The following FBXL5 variants were observed in gnomAD, a reference collection of about 807,000 sequenced individuals.
The protein encoded by FBXL5 is F-box and leucine rich repeat protein 5.
In FBXL5, 26 loss-of-function variants were observed where a neutral mutation model predicts 78.3. That is an observed-to-expected ratio of 0.33 (90% CI 0.24 to 0.46). FBXL5 has a LOEUF of 0.46. Among genes scored for constraint, FBXL5 ranks in the 20% least tolerant of loss-of-function variants. The pLI is 1.00. For missense variants in FBXL5, 710 were observed against 829.2 expected (o/e 0.86, Z 1.77); for synonymous variants, 295 against 282.5 (o/e 1.04, Z -0.45).
chr4:15,630,915 G>T, intron 5 of FBXL5, 124 bp from the exon 6 acceptor site: 1 of 1,237,744 alleles, frequency 8.1e-7, no homozygotes, highest in Non-Finnish European at 1.1e-6. Context: ...TAGGCAATAA[G>T]CAACTGTTTT....
chr4:15,625,527 A>G lies in FBXL5; in HGVS notation c.1575T>C (p.Ile525=), dbSNP rs1324117177. The G allele has an allele frequency of 4.3e-6, 7 of 1,614,000 alleles. No homozygotes were observed. The highest frequency in any genetic ancestry group is 5.9e-6 in the Non-Finnish European group (7 of 1,180,000). The part of the protein sequence containing the change: ...CSTSGCFSKD[I]VGLRTSVCWQ... The stretch of plus-strand genomic sequence containing the variant: ...AACAGACACTAGTCCTTAGTCCAAC[A>G]ATGTCCTTACTAAAACAACCAGAGG... The change falls in exon 9 of 11, where the codon ATT becomes ATC. Residue 525 remains isoleucine (I), a synonymous_variant. Transcript: ENST00000341285.
In FBXL5 at chr4:15,640,410, AC is replaced by A. The variant is rs1205121983; in HGVS notation, c.396+377del. ...ACACTACTGAAAAAAAAAAAAAAAA[AC>A]ATGAAAAAATCTTTAAACATAGCAT... On this transcript the variant is annotated intron_variant, in intron 3 of 10. Coordinates refer to ENST00000341285, the MANE Select transcript of FBXL5 (RefSeq NM_012161.4). 2.1e-3 allele frequency among the ~76,000 whole-genome samples: 309 copies of A among 146,582 alleles called. 6 individuals are homozygous for A. Among genetic ancestry groups the A allele is most frequent in the African/African-American group, 7.3e-3 (274 of 37,364 alleles).
At chr4:15,674,783 G>A (rs1717917411) in intron 1 of FBXL5, among the ~76,000 whole-genome samples, 2 of 152,036 alleles carry the variant, frequency 1.3e-5, no homozygotes, top group African/African-American at 4.8e-5. Flanking sequence ...CCTAGTAGCT[G>A]GGACTACAGG....
chr4:15,655,564 C>T (rs1242396220), upstream of FBXL5, among the ~76,000 whole-genome samples: 1 of 152,134 alleles, frequency 6.6e-6, no homozygotes, highest in Non-Finnish European at 1.5e-5. Context: ...CAGAAGGAAC[C>T]CAAACCTTTT....
At chr4:15,666,963 T>C (rs982756866) in intron 1 of FBXL5, among the ~76,000 whole-genome samples, 5 of 152,148 alleles carry the variant, frequency 3.3e-5, no homozygotes, top group African/African-American at 1.2e-4. Context: ...AAACATCACA[T>C]TGTATCTCAT....
At chr4:15,668,135 A>G (rs1031584613) in intron 1 of FBXL5, among the ~76,000 whole-genome samples, 3 of 151,976 alleles carry the variant, frequency 2.0e-5, no homozygotes, top group Non-Finnish European at 4.4e-5. Flanking sequence ...ATAAAATTCA[A>G]TTATTTGTGA....
chr4:15,666,385 G>T (rs185637638), intron 1 of FBXL5, among the ~76,000 whole-genome samples: 9 of 152,192 alleles, frequency 5.9e-5, no homozygotes, highest in Non-Finnish European at 4.4e-5. Context: ...GGGAGACAGA[G>T]CAAGACCCTG....
chr4:15,605,587 T>C lies in FBXL5; in HGVS notation c.*136A>G. ...CAATTCACTGGTAAATTAAGATTTC[T>C]GAAGTTGTAAGAAATGGGGCCAAAA... is the stretch of plus-strand genomic sequence containing the variant. On this transcript the variant is annotated 3_prime_UTR_variant, in exon 11 of 11. Coordinates refer to ENST00000341285, the MANE Select transcript of FBXL5 (RefSeq NM_012161.4). The C allele has an allele frequency of 1.5e-6, 1 of 656,450 alleles. No individual in the cohort carries two copies. Among genetic ancestry groups the C allele is most frequent in the Middle Eastern group, 2.5e-4 (1 of 3,992 alleles). The allele number at this position is 656,450 out of a possible 1,614,324, so 40.7% of individuals were successfully genotyped here.
At chr4:15,615,259 G>A (rs1577425376) in intron 9 of FBXL5, among the ~76,000 whole-genome samples, 2 of 152,114 alleles carry the variant, frequency 1.3e-5, no homozygotes, top group East Asian at 1.9e-4. Flanking sequence ...CTGCTCCACG[G>A]CACCCAGTCC....
intron 1 of FBXL5, among the ~76,000 whole-genome samples, chr4:15,668,074 C>G (rs545040652): frequency 2.0e-5 from 3 of 150,362 alleles, no homozygotes; most frequent in Non-Finnish European, 4.4e-5. Context: ...GTCAATTTAA[C>G]TATCAACTTA....
intron 9 of FBXL5, among the ~76,000 whole-genome samples, chr4:15,622,646 G>A: frequency 6.6e-6 from 1 of 151,060 alleles, no homozygotes; most frequent in Non-Finnish European, 1.5e-5. Flanking sequence ...CTGCATGAAG[G>A]CAGAGAATTG....
At chr4:15,624,902 A>G (rs374308276) in intron 9 of FBXL5, among the ~76,000 whole-genome samples, 6 of 152,368 alleles carry the variant, frequency 3.9e-5, no homozygotes, top group African/African-American at 1.4e-4. Flanking sequence ...AATAATACAC[A>G]GCAACAGAAT....
intron 1 of FBXL5, 111 bp downstream of exon 1, chr4:15,655,093 G>A: frequency 1.2e-6 from 1 of 842,652 alleles, no homozygotes; most frequent in Non-Finnish European, 1.5e-6. Context: ...CTACTCGCGC[G>A]GCGACGGCAC....
chr4:15,659,692 C>T, upstream of FBXL5: 3 of 981,246 alleles, frequency 3.1e-6, no homozygotes, highest in Non-Finnish European at 3.6e-6. Context: ...AGAGAAGAGC[C>T]TTCCATTTCC....
upstream of FBXL5, among the ~76,000 whole-genome samples, chr4:15,656,059 A>T (rs1232729686): frequency 6.6e-6 from 1 of 152,238 alleles, no homozygotes; most frequent in African/African-American, 2.4e-5. Context: ...GTATCTGGGG[A>T]TCCAGGTGCG....
chr4:15,635,761 G>GAAAAAAAAAAAAAAAAAAAAAA (rs71649918), intron 5 of FBXL5, among the ~76,000 whole-genome samples: 1 of 120,628 alleles, frequency 8.3e-6, no homozygotes, highest in Non-Finnish European at 1.7e-5. Context: ...CTCAAAAAAA[G>GAAAAAAAAAAAAAAAAAAAAAA]AAAAAAAAAA....
chr4:15,608,824 A>C (rs1448752084), intron 10 of FBXL5, among the ~76,000 whole-genome samples: 1 of 152,152 alleles, frequency 6.6e-6, no homozygotes, highest in African/African-American at 2.4e-5. Context: ...TGATCCCAAT[A>C]ATCATGAAAG....
At chr4:15,629,889 G>GT (rs1237263626) in intron 6 of FBXL5, among the ~76,000 whole-genome samples, 1 of 151,830 alleles carries the variant, frequency 6.6e-6, no homozygotes, top group Non-Finnish European at 1.5e-5. Flanking sequence ...ATTTCCTATA[G>GT]TTTCAGTTTT....
chr4:15,668,970 C>T (rs1717654020), intron 1 of FBXL5, among the ~76,000 whole-genome samples: 1 of 152,204 alleles, frequency 6.6e-6, no homozygotes, highest in African/African-American at 2.4e-5. Context: ...TACTATAAGT[C>T]TGTACAGACT....
Sources: gnomAD v4.1 joint callset for allele counts (sites outside exome capture counted in the v4.1 genomes callset) on GRCh38, gnomAD v4.1.1 for gene constraint, MANE v1.5 for transcripts, NCBI Gene and HGNC (gene_info 2026-07-23, HGNC 2026-07-21) for gene names.